Variants in SPHK2 observed in about 807,000 individuals in gnomAD.
SPHK2 encodes the protein sphingosine kinase 2.
Under a neutral mutation model 32.3 loss-of-function variants are expected in SPHK2, and 18 were observed. That is an observed-to-expected ratio of 0.56 (90% CI 0.39 to 0.83). The LOEUF is 0.83. Ranked by LOEUF, SPHK2 falls within the 40% of genes least tolerant of loss-of-function variation. SPHK2 has a pLI of 0.00. For synonymous variants in SPHK2, 462 were observed against 417.6 expected, an observed-to-expected ratio of 1.11 and a Z score of -1.30; for missense variants, 850 against 908.7, an observed-to-expected ratio of 0.94 and a Z score of 0.83.
chr19:48,629,797 CG>C lies in SPHK2; in HGVS notation c.*29del. ...GAAACTAAACAAGCTTGGTACCCGC[CG>C]GGGGCGGGGCCTACATTCCAATGGG... On this transcript the variant is annotated 3_prime_UTR_variant, in exon 7 of 7. Coordinates refer to ENST00000245222, the MANE Select transcript of SPHK2 (RefSeq NM_020126.5). The C allele has an allele frequency of 6.5e-7, 1 of 1,534,294 alleles. No homozygotes were observed. Among genetic ancestry groups the C allele is most frequent in the South Asian group, 1.2e-5 (1 of 80,544 alleles).
rs1185084076 is a variant in SPHK2 at position 48,628,843 on chromosome 19, C to T, written c.1035C>T (p.Ile345=). 3 of 1,613,706 alleles carry T rather than the reference C, an allele frequency of 1.9e-6. No individual in the cohort carries two copies. Among genetic ancestry groups the T allele is most frequent in the Admixed American group, 1.7e-5 (1 of 60,016 alleles). The part of the protein sequence containing the change: ...VAWGFVSDVD[I]QSERFRALGS... ...GGGGCTTCGTGTCAGATGTGGATATCCAGAGCGAGCGCTTCAGGGCCTTGG... is the reference window on the plus strand; with the variant it reads ...GGGGCTTCGTGTCAGATGTGGATATTCAGAGCGAGCGCTTCAGGGCCTTGG... The change falls in exon 7 of 7, where the codon ATC becomes ATT. Residue 345 remains isoleucine (I), a synonymous_variant. Transcript: ENST00000245222. The surrounding 1 kb of genome is among the most constrained non-coding windows in gnomAD (Gnocchi z 5.2).
In SPHK2 at chr19:48,628,180, G is replaced by T; in HGVS notation, c.775G>T (p.Asp259Tyr). 2 of 1,613,832 alleles carry T rather than the reference G, an allele frequency of 1.2e-6. No individual in the cohort carries two copies. Among genetic ancestry groups the T allele is most frequent in the Non-Finnish European group, 1.7e-6 (2 of 1,179,906 alleles). Residue 259 changes from aspartate (D) to tyrosine (Y), a missense_variant, in exon 6 of 7, where the codon GAT becomes TAT. Asp to Tyr is a radical substitution (Grantham distance 160). Transcript: ENST00000245222. This position sits in a 1 kb window ranked among gnomAD's most constrained non-coding sequence, Gnocchi z 5.2. ...LLHEVLNGLL[D>Y]RPDWEEAVKM... ...CCTCCAGGTGCTGAACGGGCTCCTA[G>T]ATCGCCCTGACTGGGAGGAAGCTGT...
At chr19:48,621,324 C>T (rs1043661484) in intron 2 of SPHK2, among the ~76,000 whole-genome samples, 5 of 152,180 alleles carry the variant, frequency 3.3e-5, no homozygotes, top group African/African-American at 9.7e-5. Flanking sequence ...GGTGATACGC[C>T]GGCCTCGGCC....
rs745582389 is a variant in SPHK2, at chr19:48,629,058, A to T, written c.1250A>T (p.His417Leu). 27 of 1,612,660 alleles carry T rather than the reference A, an allele frequency of 1.7e-5. No homozygotes were observed. Among genetic ancestry groups the T allele is most frequent in the Non-Finnish European group, 2.1e-5 (25 of 1,179,674 alleles). ...CCGCCCATGGCCCACTCACCCCTGCATCGTTCTGTGTCTGACCTGCCTCTT... is the reference window on the plus strand; with the variant it reads ...CCGCCCATGGCCCACTCACCCCTGCTTCGTTCTGTGTCTGACCTGCCTCTT... ...PAPPMAHSPLHRSVSDLPLPL... is the reference protein window; with the variant it reads ...PAPPMAHSPLLRSVSDLPLPL... The change falls in exon 7 of 7, where the codon CAT (histidine) becomes CTT (leucine). Residue 417 changes from histidine to leucine, a missense_variant. Transcript: ENST00000245222.
chr19:48,628,260 A>G lies in SPHK2; in HGVS notation c.855A>G (p.Ala285=), dbSNP rs760824600. The G allele has an allele frequency of 1.9e-6, 3 of 1,613,360 alleles. No individual in the cohort carries two copies. In the African/African-American group the frequency reaches 4.0e-5, roughly 22 times the overall value. The change falls in exon 6 of 7, where the codon GCA becomes GCG. Residue 285 remains alanine, a synonymous_variant. Coordinates refer to ENST00000245222, the MANE Select transcript of SPHK2 (RefSeq NM_020126.5). This position sits in a 1 kb window ranked among gnomAD's most constrained non-coding sequence, Gnocchi z 5.2. Reference sequence around the variant, plus strand: ...GCTCGGGCAACGCGCTGGCCGGAGCAGTGAACCAGCACGGGGGGTAGGTTG... The same window carrying G: ...GCTCGGGCAACGCGCTGGCCGGAGCGGTGAACCAGCACGGGGGGTAGGTTG... ...PCGSGNALAG[A]VNQHGGFEPA...
In SPHK2 at chr19:48,627,828, C is replaced by T. The variant is rs2030063029; in HGVS notation, c.648C>T (p.Asn216=). 7 of 1,612,058 alleles carry T rather than the reference C, an allele frequency of 4.3e-6. No individual in the cohort carries two copies. The highest frequency in any genetic ancestry group is 1.7e-5 in the Admixed American group (1 of 59,818). ...PMISEAGLSF[N]LIQTERQNHA... ...TCTCTGAAGCTGGGCTGTCCTTCAACCTCATCCAGACAGGTAAGGGCCAGT... is the reference window on the plus strand; with the variant it reads ...TCTCTGAAGCTGGGCTGTCCTTCAATCTCATCCAGACAGGTAAGGGCCAGT... The change falls in exon 4 of 7, where the codon AAC becomes AAT. Residue 216 remains asparagine, a synonymous_variant. Transcript: ENST00000245222.
intron 3 of SPHK2, 41 bp downstream of exon 3, chr19:48,626,403 G>T: frequency 6.7e-7 from 1 of 1,503,620 alleles, no homozygotes; most frequent in Non-Finnish European, 8.8e-7. Context: ...AGCCACCTTG[G>T]TGTCTCTGCA....
At chr19:48,620,222 T>C (rs956505227) in intron 1 of SPHK2, among the ~76,000 whole-genome samples, 180 bp from the exon 2 acceptor site, 1 of 152,216 alleles carries the variant, frequency 6.6e-6, no homozygotes, top group Non-Finnish European at 1.5e-5. Context: ...ACTCCTATTA[T>C]AGCATACATA....
rs1601172634 is a variant in SPHK2, at chr19:48,629,690, T to C, written c.1882T>C (p.Tyr628His). ...CACAGTGGACGGGGAGCAGGTGGAGTATGGGCCGCTACAGGCACAGATGCA... is the reference window on the plus strand; with the variant it reads ...CACAGTGGACGGGGAGCAGGTGGAGCATGGGCCGCTACAGGCACAGATGCA... ...VLTVDGEQVE[Y>H]GPLQAQMHPG... The change falls in exon 7 of 7, where the codon TAT (tyrosine) becomes CAT (histidine). Residue 628 changes from tyrosine (Y) to histidine (H), a missense_variant. By Grantham distance (83) the Tyr-to-His change is moderately conservative (BLOSUM62 2). This residue lies in a region of SPHK2 where 306 missense variants were observed against 268.6 expected (regional missense o/e 1.14). Transcript: ENST00000245222. 5 of 1,609,030 alleles carry C rather than the reference T, an allele frequency of 3.1e-6. No homozygotes were observed. The South Asian group carries it at 4.4e-5, about 14-fold the overall frequency.
intron 4 of SPHK2, 24 bp downstream of exon 4, chr19:48,627,865 C>T: frequency 6.3e-7 from 1 of 1,599,764 alleles, no homozygotes; most frequent in Non-Finnish European, 8.5e-7. Flanking sequence ...AGAATGGGAG[C>T]TGGGGGCTGG....
chr19:48,625,438 C>T (rs895442053), intron 2 of SPHK2: 7 of 1,188,450 alleles, frequency 5.9e-6, no homozygotes, highest in Non-Finnish European at 6.4e-6. Context: ...TCAGTCTTTG[C>T]ATGTCTGTTT....
At position 48,628,029 on chromosome 19, in the gene SPHK2, A is replaced by T. The variant is rs559929931; in HGVS notation, c.716A>T (p.Asp239Val). Residue 239 changes from aspartate to valine, a missense_variant, in exon 5 of 7, where the codon GAT (aspartate) becomes GTT (valine). This residue lies in a region of SPHK2 where 544 missense variants were observed against 640.0 expected (regional missense o/e 0.85). Coordinates refer to ENST00000245222, the MANE Select transcript of SPHK2 (RefSeq NM_020126.5). The surrounding 1 kb of genome is among the most constrained non-coding windows in gnomAD (Gnocchi z 5.2). Reference protein sequence around the residue: ...LVQGLSLSEWDGIVTVSGDGL... With the variant: ...LVQGLSLSEWVGIVTVSGDGL... ...CAGGGGCTGAGCCTGAGTGAGTGGG[A>T]TGGCATCGTCACGGTCTCGGGAGAC... is the stretch of plus-strand genomic sequence containing the variant. 6.3e-7 allele frequency: 1 copy of T among 1,596,534 alleles called. No individual in the cohort carries two copies. The highest frequency in any genetic ancestry group is 8.6e-7 in the Non-Finnish European group (1 of 1,168,154).
intron 1 of SPHK2, 64 bp downstream of exon 1, chr19:48,619,607 G>A (rs1461049829): frequency 5.0e-6 from 1 of 198,666 alleles, no homozygotes; most frequent in Non-Finnish European, 1.1e-5. Context: ...CACGCTTCGG[G>A]CGTTTCCTTA....
chr19:48,623,652 T>TAATG (rs1375549415), intron 2 of SPHK2, among the ~76,000 whole-genome samples: 2 of 152,206 alleles, frequency 1.3e-5, no homozygotes, highest in Admixed American at 1.3e-4. Context: ...ATGTGACTGG[T>TAATG]TCATTCACTG....
intron 2 of SPHK2, 84 bp from the exon 3 acceptor site, chr19:48,625,807 C>G (rs1394786456): frequency 8.4e-6 from 13 of 1,545,960 alleles, no homozygotes; most frequent in Non-Finnish European, 1.0e-5. Flanking sequence ...CCCTCATTGT[C>G]TCCTCCTGTC....
Position 48,629,415 on chromosome 19 carries a change from G to C in SPHK2, c.1607G>C (p.Gly536Ala), listed in dbSNP as rs775044337. ...PLPPDWVTLEGDFVLMLAISP... is the reference protein window; with the variant it reads ...PLPPDWVTLEADFVLMLAISP... ...CCCCCAGACTGGGTGACGCTGGAGGGGGACTTTGTGCTCATGTTGGCCATC... is the reference window on the plus strand; with the variant it reads ...CCCCCAGACTGGGTGACGCTGGAGGCGGACTTTGTGCTCATGTTGGCCATC... The change falls in exon 7 of 7, where the codon GGG (glycine) becomes GCG (alanine). Residue 536 changes from glycine to alanine, a missense_variant. Gly to Ala is a moderately conservative substitution (Grantham distance 60, BLOSUM62 0). Coordinates refer to ENST00000245222, the MANE Select transcript of SPHK2 (RefSeq NM_020126.5). 11 of 1,611,212 alleles carry C rather than the reference G, an allele frequency of 6.8e-6. No homozygotes were observed. The East Asian group carries it at 2.0e-4, about 29-fold the overall frequency.
At chr19:48,625,334 G>T in intron 2 of SPHK2, 4 of 1,117,798 alleles carry the variant, frequency 3.6e-6, no homozygotes, top group East Asian at 8.4e-5. Context: ...TGTTTCTCTG[G>T]CTCTCAGACC....
intron 2 of SPHK2, 98 bp downstream of exon 2, chr19:48,620,651 T>A (rs1601149388): frequency 6.5e-6 from 7 of 1,070,272 alleles, no homozygotes; most frequent in Non-Finnish European, 8.0e-6. Flanking sequence ...AGGCCAGGCG[T>A]GGTAGCTCAA....
chr19:48,628,384 G>C lies in SPHK2; in HGVS notation c.872+107G>C. On this transcript the variant is annotated intron_variant, in intron 6 of 6. Coordinates refer to ENST00000245222, the MANE Select transcript of SPHK2 (RefSeq NM_020126.5). This position sits in a 1 kb window ranked among gnomAD's most constrained non-coding sequence, Gnocchi z 5.2. ...CACAGTCAGTCAAGTAAATCAGCCTGCCTGTGGGATGCTCACCCCCAGCTC... is the reference window on the plus strand; with the variant it reads ...CACAGTCAGTCAAGTAAATCAGCCTCCCTGTGGGATGCTCACCCCCAGCTC... 1 of 1,136,504 alleles carries C rather than the reference G, an allele frequency of 8.8e-7. No individual in the cohort carries two copies. 70.4% of individuals were successfully genotyped at this position (1,136,504 alleles called of 1,614,324 possible). A position where few individuals can be genotyped will look rare whatever the true frequency, so the allele number is the denominator to read the frequency against.
Sources: gnomAD v4.1 joint callset for allele counts (sites outside exome capture counted in the v4.1 genomes callset) on GRCh38, gnomAD v4.1.1 for gene constraint, gnomAD v4.1.1 regional missense constraint, Gnocchi (gnomAD v3.1) non-coding constraint, MANE v1.5 for transcripts, NCBI Gene and HGNC (gene_info 2026-07-23, HGNC 2026-07-21) for gene names.